PROSER1: variants seen among roughly 807,000 people sequenced by gnomAD.
The protein encoded by PROSER1 is proline and serine rich 1.
A neutral mutation model predicts 71.8 loss-of-function variants in PROSER1; 36 were observed. That is an observed-to-expected ratio of 0.50 (90% CI 0.38 to 0.66). The LOEUF is 0.66. Ranked by LOEUF, PROSER1 falls within the 30% of genes least tolerant of loss-of-function variation. The pLI, the probability that PROSER1 is intolerant of heterozygous loss-of-function variation, is 0.00. For synonymous variants in PROSER1, 490 were observed against 452.4 expected (o/e 1.08, Z -1.06); for missense variants, 1,107 against 1,135.0 (o/e 0.98, Z 0.35).
At chr13:39,012,390 G>A in intron 11 of PROSER1, 157 bp from the exon 12 acceptor site, 1 of 782,456 alleles carries the variant, frequency 1.3e-6, no homozygotes. Context: ...GCCATTCCCT[G>A]ATATGAATCT....
chr13:39,034,683 A>C (rs980184707), intron 1 of PROSER1, among the ~76,000 whole-genome samples: 1 of 152,234 alleles, frequency 6.6e-6, no homozygotes, highest in Non-Finnish European at 1.5e-5. Context: ...ATAGGGACAT[A>C]AGAATGCAAG....
intron 4 of PROSER1, among the ~76,000 whole-genome samples, chr13:39,028,541 G>A (rs1466583425): frequency 2.0e-5 from 3 of 152,008 alleles, no homozygotes; most frequent in African/African-American, 7.2e-5. Flanking sequence ...CAGTAATACT[G>A]CAAATAAAAA....
At position 39,016,955 on chromosome 13, in the gene PROSER1, AC is replaced by A. The variant is rs566857599; in HGVS notation, c.775+544del. Among the ~76,000 whole-genome samples the A allele has an allele frequency of 2.1e-3, 320 of 152,296 alleles. 1 individual carries two copies. Among genetic ancestry groups the A allele is most frequent in the Non-Finnish European group, 3.3e-3 (225 of 68,026 alleles). On this transcript the variant is annotated intron_variant, in intron 10 of 12. Coordinates refer to ENST00000352251, the MANE Select transcript of PROSER1 (RefSeq NM_025138.5). ...CTCCTTCCTGACCACACAGATCATC[AC>A]CTAGGGGAAAAATACAACGTCGCAG...
chr13:39,033,639 A>C (rs531155959), intron 2 of PROSER1, among the ~76,000 whole-genome samples: 7 of 152,356 alleles, frequency 4.6e-5, no homozygotes, highest in Admixed American at 4.6e-4. Flanking sequence ...CTAAACTATC[A>C]TGCTTAAAAT....
chr13:39,037,265 T>C lies in PROSER1; in HGVS notation c.-23A>G. ...CATCTTGACTACTATCCCGACGTGG[T>C]TTTAACAGTTATACTTGCAATTAAA... On this transcript the variant is annotated 5_prime_UTR_variant, in exon 1 of 13. Coordinates refer to ENST00000352251, the MANE Select transcript of PROSER1 (RefSeq NM_025138.5). 1 of 1,584,880 alleles carries C rather than the reference T, an allele frequency of 6.3e-7. No homozygotes were observed. The highest frequency in any genetic ancestry group is 8.7e-7 in the Non-Finnish European group (1 of 1,153,380).
chr13:39,015,198 T>C (rs1211266973), intron 10 of PROSER1, among the ~76,000 whole-genome samples: 1 of 152,206 alleles, frequency 6.6e-6, no homozygotes, highest in East Asian at 1.9e-4. Flanking sequence ...CAAACTACAG[T>C]TCCCAAACCC....
Position 39,028,271 on chromosome 13 carries a change from C to T in PROSER1, c.325G>A (p.Val109Ile), listed in dbSNP as rs1313586909. Residue 109 changes from valine to isoleucine, a missense_variant, in exon 5 of 13, where the codon GTA (valine) becomes ATA (isoleucine). Coordinates refer to ENST00000352251, the MANE Select transcript of PROSER1 (RefSeq NM_025138.5). ...CACCGTTTCTTCTCAGACATATTTA[C>T]CCTGAATAAATCTTCAATAGGACGA... The part of the protein sequence containing the change: ...NSRPIEDLFR[V>I]NMSEKKRCKR... The T allele has an allele frequency of 6.3e-7, 1 of 1,599,354 alleles. No individual in the cohort carries two copies. The highest frequency in any genetic ancestry group is 8.6e-7 in the Non-Finnish European group (1 of 1,167,612).
At chr13:39,022,750 G>T in intron 8 of PROSER1, 1 of 384,006 alleles carries the variant, frequency 2.6e-6, no homozygotes, top group Non-Finnish European at 4.7e-6. Context: ...CATGAATGAT[G>T]CCTCTGAACT....
At chr13:39,032,901 T>C (rs769031767) in intron 2 of PROSER1, among the ~76,000 whole-genome samples, 8 of 151,892 alleles carry the variant, frequency 5.3e-5, no homozygotes, top group Non-Finnish European at 1.0e-4. Context: ...TAAGAAATTA[T>C]ATATCTTTTT....
chr13:39,033,360 G>A (rs1487877868), intron 2 of PROSER1, among the ~76,000 whole-genome samples: 5 of 152,238 alleles, frequency 3.3e-5, no homozygotes, highest in Non-Finnish European at 7.3e-5. Flanking sequence ...AGGCTTAAAA[G>A]TCATTTAAGG....
rs1416003344 is a variant in PROSER1, at chr13:39,013,083, C to A, written c.2169G>T (p.Gly723=). 1.2e-6 allele frequency: 2 copies of A among 1,613,928 alleles called. No individual in the cohort carries two copies. The highest frequency in any genetic ancestry group is 2.2e-5 in the South Asian group (2 of 91,054). Residue 723 remains glycine, a synonymous_variant, in exon 11 of 13, where the codon GGG becomes GGT. Coordinates refer to ENST00000352251, the MANE Select transcript of PROSER1 (RefSeq NM_025138.5). ...PSLNPSVSLP[G]SLIATSSTAA... ...CGGTAGATGAGGTGGCTATTAATGA[C>A]CCTGGGAGAGATACTGACGGATTAA...
At chr13:39,026,240 T>C in intron 6 of PROSER1, 37 bp downstream of exon 6, 1 of 1,294,972 alleles carries the variant, frequency 7.7e-7, no homozygotes. Context: ...TACTTAACCA[T>C]GAGAAGTTTC....
chr13:39,029,158 A>G (rs1870693114), intron 4 of PROSER1, 123 bp downstream of exon 4: 2 of 576,750 alleles, frequency 3.5e-6, no homozygotes, highest in Non-Finnish European at 6.0e-6. Context: ...GGAAATCAGA[A>G]TGTACCACTA....
At chr13:39,034,329 G>A in intron 1 of PROSER1, 133 bp from the exon 2 acceptor site, 1 of 575,824 alleles carries the variant, frequency 1.7e-6, no homozygotes, top group African/African-American at 1.9e-5. Flanking sequence ...TCATTCAGAG[G>A]AACTAAGGTC....
chr13:39,014,500 C>A, intron 10 of PROSER1, 24 bp from the exon 11 acceptor site: 1 of 1,534,798 alleles, frequency 6.5e-7, no homozygotes, highest in Non-Finnish European at 8.9e-7. Context: ...GGAAAAAAGG[C>A]AAGAATGTAT....
Position 39,026,358 on chromosome 13 carries a change from A to G in PROSER1, c.399T>C (p.His133=). ...QAFKGGCKAP[H]AMISSCGTIP... is the part of the protein sequence containing the mutation. ...TTGTTCCACAAGAAGATATCATAGC[A>G]TGAGGAGCTTTGCAGCCCCCCTTGA... is the stretch of plus-strand genomic sequence containing the variant. The change falls in exon 6 of 13, where the codon CAT becomes CAC. Residue 133 remains histidine (H), a synonymous_variant. Coordinates refer to ENST00000352251, the MANE Select transcript of PROSER1 (RefSeq NM_025138.5). 2 of 1,612,088 alleles carry G rather than the reference A, an allele frequency of 1.2e-6. No homozygotes were observed. Among genetic ancestry groups the G allele is most frequent in the Non-Finnish European group, 1.7e-6 (2 of 1,179,430 alleles).
In PROSER1 at chr13:39,031,672, G is replaced by A. The variant is rs117096710; in HGVS notation, c.112-41C>T. On this transcript the variant is annotated intron_variant, in intron 2 of 12. Coordinates refer to ENST00000352251, the MANE Select transcript of PROSER1 (RefSeq NM_025138.5). Reference sequence around the variant, plus strand: ...TAACAGCTCTAATGACAGCATGTTTGCAAACATTTCTATAAGATTTCAGTA... The same window carrying A: ...TAACAGCTCTAATGACAGCATGTTTACAAACATTTCTATAAGATTTCAGTA... The A allele has an allele frequency of 2.4e-4, 363 of 1,536,372 alleles. 1 individual carries two copies. In the East Asian group the frequency reaches 7.9e-3, roughly 33 times the overall value.
At chr13:39,028,380 C>G in intron 4 of PROSER1, 60 bp from the exon 5 acceptor site, 1 of 948,378 alleles carries the variant, frequency 1.1e-6, no homozygotes, top group Non-Finnish European at 1.7e-6. Context: ...TCGAGGTAAG[C>G]AACCTTTGTT....
In PROSER1 at chr13:39,023,377, C is replaced by A. The variant is rs187193968; in HGVS notation, c.565-247G>T. On this transcript the variant is annotated intron_variant, in intron 7 of 12. Transcript: ENST00000352251. ...GGCCAGAGATTTTTAAAATCATCTC[C>A]AATAAGGGGTTAGATCTCATTGTAA... The A allele has an allele frequency of 5.1e-3, 2,054 of 406,420 alleles. 18 individuals carry two copies. The highest frequency in any genetic ancestry group is 0.023 in the South Asian group (586 of 25,260). 25.2% of individuals were successfully genotyped at this position (406,420 alleles called of 1,614,324 possible). A position where few individuals can be genotyped will look rare whatever the true frequency, so the allele number is the denominator to read the frequency against.
Sources: gnomAD v4.1 joint callset for allele counts (sites outside exome capture counted in the v4.1 genomes callset) on GRCh38, gnomAD v4.1.1 for gene constraint, MANE v1.5 for transcripts, NCBI Gene and HGNC (gene_info 2026-07-23, HGNC 2026-07-21) for gene names.